SUGCT: variants seen among roughly 807,000 people sequenced by gnomAD.
The protein encoded by SUGCT is succinyl-CoA:glutarate CoA-transferase.
In SUGCT, 41 loss-of-function variants were observed where a neutral mutation model predicts 55.0. The ratio of observed to expected loss-of-function variants is 0.74; its 90% CI spans 0.58 to 0.97. The LOEUF is 0.97. Ranked by LOEUF, SUGCT falls within the 50% of genes least tolerant of loss-of-function variation. SUGCT has a pLI of 0.00. For synonymous variants in SUGCT, 187 were observed against 200.4 expected (o/e 0.93, Z 0.56); for missense variants, 568 against 547.8 (o/e 1.04, Z -0.37).
At chr7:41,006,353 A>T in the SUGCT span, among the ~76,000 whole-genome samples, 1 of 152,230 alleles carries the variant, frequency 6.6e-6, no homozygotes, top group African/African-American at 2.4e-5. Flanking sequence ...TGAGCCAACA[A>T]GATATAGAAT....
chr7:40,922,689 G>T, the SUGCT span, among the ~76,000 whole-genome samples: 12 of 152,356 alleles, frequency 7.9e-5, no homozygotes, highest in African/African-American at 2.6e-4. Flanking sequence ...GGCCACATGA[G>T]CTTTGGGTTA....
chr7:40,608,836 A>C (rs1336577436), intron 12 of SUGCT, among the ~76,000 whole-genome samples: 1 of 152,230 alleles, frequency 6.6e-6, no homozygotes, highest in African/African-American at 2.4e-5. Flanking sequence ...TTATTAACTT[A>C]AACTGTCTTC....
the SUGCT span, among the ~76,000 whole-genome samples, chr7:41,004,359 C>T: frequency 6.6e-6 from 1 of 152,328 alleles, no homozygotes; most frequent in African/African-American, 2.4e-5. Context: ...AAGTCCCAGG[C>T]ATTTCTTTTG....
intron 8 of SUGCT, among the ~76,000 whole-genome samples, chr7:40,314,034 A>C (rs2151103712): frequency 6.6e-6 from 1 of 152,318 alleles, no homozygotes; most frequent in African/African-American, 2.4e-5. Flanking sequence ...TTCTACTTGC[A>C]AACAGTTTGA....
At chr7:40,311,289 A>T (rs993568671) in intron 8 of SUGCT, among the ~76,000 whole-genome samples, 1 of 152,200 alleles carries the variant, frequency 6.6e-6, no homozygotes, top group African/African-American at 2.4e-5. Flanking sequence ...CTATCATCAA[A>T]TTATGCCTGG....
chr7:40,482,246 A>C (rs1285610168), intron 11 of SUGCT, among the ~76,000 whole-genome samples: 2 of 152,220 alleles, frequency 1.3e-5, no homozygotes, highest in East Asian at 3.8e-4. Flanking sequence ...AATATTCTTC[A>C]GCCATAGTAG....
At chr7:40,584,636 G>GA (rs1797279492) in intron 12 of SUGCT, among the ~76,000 whole-genome samples, 1 of 152,186 alleles carries the variant, frequency 6.6e-6, no homozygotes, top group South Asian at 2.1e-4. Flanking sequence ...TGTTACCCCA[G>GA]TTTACAGATG....
At chr7:40,703,316 G>A (rs1785249483) in intron 12 of SUGCT, among the ~76,000 whole-genome samples, 1 of 151,978 alleles carries the variant, frequency 6.6e-6, no homozygotes, top group Admixed American at 6.6e-5. Flanking sequence ...TGGTGGTCGG[G>A]GTCCTTGCCA....
intron 11 of SUGCT, among the ~76,000 whole-genome samples, chr7:40,481,568 C>T (rs923665197): frequency 1.5e-4 from 22 of 151,228 alleles, no homozygotes; most frequent in Admixed American, 1.3e-3. Flanking sequence ...GCCGGTCTAA[C>T]GTACTTAATA....
chr7:40,564,655 G>A (rs1160282936), intron 12 of SUGCT, among the ~76,000 whole-genome samples: 2 of 152,134 alleles, frequency 1.3e-5, no homozygotes, highest in Non-Finnish European at 2.9e-5. Context: ...GAAGAAAATT[G>A]TATAACCTAG....
At chr7:40,968,116 T>C in the SUGCT span, 2 of 152,224 alleles carry the variant, frequency 1.3e-5, no homozygotes. Flanking sequence ...ACAACGGACC[T>C]GATGAGATTT....
At chr7:40,671,187 TC>T (rs1164240350) in intron 12 of SUGCT, among the ~76,000 whole-genome samples, 13 of 152,156 alleles carry the variant, frequency 8.5e-5, no homozygotes, top group Non-Finnish European at 4.4e-5. Flanking sequence ...ATCTGTTGAG[TC>T]TTTCAATCTG....
At chr7:40,903,693 A>G in the SUGCT span, among the ~76,000 whole-genome samples, 1 of 152,192 alleles carries the variant, frequency 6.6e-6, no homozygotes, top group Non-Finnish European at 1.5e-5. Context: ...ACGCAAGGCA[A>G]GGGGTGGCAC....
chr7:40,726,389 A>G lies in SUGCT; in HGVS notation c.1090-23045A>G, dbSNP rs116009541. Among the ~76,000 whole-genome samples, 1,360 of 152,290 alleles carry G rather than the reference A, an allele frequency of 8.9e-3. 16 individuals carry two copies. Among genetic ancestry groups the G allele is most frequent in the African/African-American group, 0.031 (1,280 of 41,558 alleles). The stretch of plus-strand genomic sequence containing the variant: ...TCATTAAGTAGAAGTGGATTATCAT[A>G]AAGGTTTTCATTTTCAGTATCTTCA... On this transcript the variant is annotated intron_variant, in intron 12 of 13. Coordinates refer to ENST00000335693, the MANE Select transcript of SUGCT (RefSeq NM_001193313.2).
rs1454870393 is a variant in SUGCT, at chr7:40,446,504, AACTTT to A, written c.817-2777_817-2773del. ...ACACTAATGCATTGTCTATGACACT[AACTTT>A]ACTTTTGCCCTCATGGACAAGGGAG... On this transcript the variant is annotated intron_variant, in intron 9 of 13. Coordinates refer to ENST00000335693, the MANE Select transcript of SUGCT (RefSeq NM_001193313.2). Among the ~76,000 whole-genome samples, 12 of 152,316 alleles carry A rather than the reference AACTTT, an allele frequency of 7.9e-5. No individual in the cohort carries two copies. In the East Asian group the frequency reaches 2.3e-3, roughly 29 times the overall value.
intron 8 of SUGCT, among the ~76,000 whole-genome samples, chr7:40,297,257 G>A (rs956918404): frequency 6.6e-6 from 1 of 151,982 alleles, no homozygotes; most frequent in Non-Finnish European, 1.5e-5. Context: ...TTTACCTAAA[G>A]CGTTTACTTT....
intron 12 of SUGCT, among the ~76,000 whole-genome samples, chr7:40,514,430 C>T (rs1353715964): frequency 6.6e-6 from 1 of 151,856 alleles, no homozygotes; most frequent in African/African-American, 2.4e-5. Context: ...AAGCTAAGGC[C>T]AGGCGTGGGG....
chr7:40,272,187 T>TACAC (rs1430683747), intron 7 of SUGCT, among the ~76,000 whole-genome samples: 12 of 62,028 alleles, frequency 1.9e-4, no homozygotes, highest in African/African-American at 6.6e-4. Context: ...TATATATATA[T>TACAC]ATATATACAG....
intron 11 of SUGCT, among the ~76,000 whole-genome samples, chr7:40,462,454 T>G (rs1789853606): frequency 6.6e-6 from 1 of 151,886 alleles, no homozygotes; most frequent in South Asian, 2.1e-4. Flanking sequence ...AAAGGATTTT[T>G]TTTTCTGGCC....
Sources: allele counts gnomAD v4.1 joint callset (sites outside exome capture counted in the v4.1 genomes callset), GRCh38; gene constraint gnomAD v4.1.1; transcripts MANE v1.5; gene names NCBI Gene and HGNC (gene_info 2026-07-23, HGNC 2026-07-21).